Variants in CPQ observed in about 807,000 individuals in gnomAD.
CPQ encodes the protein Ser-Met dipeptidase.
In CPQ, 37 loss-of-function variants were observed where a neutral mutation model predicts 45.7. The observed-to-expected ratio is 0.81, with a 90% CI of 0.62 to 1.07. CPQ has a LOEUF of 1.07. Ranked by LOEUF, CPQ falls within the 50% of genes least tolerant of loss-of-function variation. CPQ has a pLI of 0.00. For synonymous variants in CPQ, 186 were observed against 205.8 expected, an observed-to-expected ratio of 0.90 and a Z score of 0.82; for missense variants, 537 against 572.9, an observed-to-expected ratio of 0.94 and a Z score of 0.64.
intron 6 of CPQ, among the ~76,000 whole-genome samples, chr8:97,040,251 T>A (rs1810094295): frequency 6.6e-6 from 1 of 152,232 alleles, no homozygotes; most frequent in South Asian, 2.1e-4. Context: ...GAGCATTTTT[T>A]CATGTGTCTG....
intron 2 of CPQ, among the ~76,000 whole-genome samples, chr8:96,805,693 C>A (rs762312645): frequency 9.2e-5 from 14 of 152,042 alleles, no homozygotes; most frequent in Non-Finnish European, 1.6e-4. Flanking sequence ...CAATAATAAT[C>A]GCTGAGTCAG....
Position 97,042,464 on chromosome 8 carries a change from GT to G in CPQ, c.1053+12976del, listed in dbSNP as rs556732164. Among the ~76,000 whole-genome samples the G allele has an allele frequency of 3.3e-5, 5 of 151,850 alleles. No individual in the cohort carries two copies. In the South Asian group the frequency reaches 1.0e-3, roughly 32 times the overall value. On this transcript the variant is annotated intron_variant, in intron 6 of 7. Coordinates refer to ENST00000220763, the MANE Select transcript of CPQ (RefSeq NM_016134.4). ...CCTGGATTCATTAATTTTTTGAAGG[GT>G]TTTTTGTGTCTCTATTTCCTTCAGT...
intron 1 of CPQ, among the ~76,000 whole-genome samples, chr8:96,751,311 T>C (rs1810255562): frequency 1.3e-5 from 2 of 152,172 alleles, no homozygotes. Flanking sequence ...GTTTCTTGAC[T>C]TTTCAATGAA....
At chr8:97,002,775 C>G (rs568715050) in intron 5 of CPQ, among the ~76,000 whole-genome samples, 34 of 152,112 alleles carry the variant, frequency 2.2e-4, no homozygotes, top group African/African-American at 7.2e-4. Flanking sequence ...TGATCTAGGT[C>G]CATTTGATCC....
Position 96,814,180 on chromosome 8 carries a change from AT to A in CPQ, c.434-20784del, listed in dbSNP as rs570510500. Among the ~76,000 whole-genome samples the A allele has an allele frequency of 1.7e-3, 253 of 151,384 alleles. 2 individuals carry two copies. The highest frequency in any genetic ancestry group is 4.7e-3 in the African/African-American group (193 of 41,396). ...TACAATTTCAATAAATTAGATTTTA[AT>A]TTTTTTTTAATGAACAGAAAGCCAA... On this transcript the variant is annotated intron_variant, in intron 2 of 7. Transcript: ENST00000220763.
chr8:96,700,055 G>T (rs914753993), intron 1 of CPQ, among the ~76,000 whole-genome samples: 2 of 152,184 alleles, frequency 1.3e-5, no homozygotes, highest in Non-Finnish European at 2.9e-5. Context: ...CAGGAGACTG[G>T]CTTCTCACTC....
chr8:96,783,411 C>G (rs1238757363), intron 1 of CPQ, among the ~76,000 whole-genome samples: 1 of 152,008 alleles, frequency 6.6e-6, no homozygotes, highest in Admixed American at 6.6e-5. Flanking sequence ...CTTGCCACAT[C>G]ATAACATGGC....
At chr8:96,982,960 C>T (rs1813932197) in intron 5 of CPQ, among the ~76,000 whole-genome samples, 1 of 152,076 alleles carries the variant, frequency 6.6e-6, no homozygotes, top group African/African-American at 2.4e-5. Flanking sequence ...ATTGAATATC[C>T]TCCACCTAGA....
chr8:97,101,925 T>G (rs1811314038), intron 7 of CPQ, among the ~76,000 whole-genome samples: 1 of 149,732 alleles, frequency 6.7e-6, no homozygotes, highest in Non-Finnish European at 1.5e-5. Flanking sequence ...TCTCTCTCTC[T>G]CTCTCTCTCT....
At chr8:97,046,032 G>A (rs1433060165) in intron 6 of CPQ, among the ~76,000 whole-genome samples, 1 of 152,194 alleles carries the variant, frequency 6.6e-6, no homozygotes, top group Non-Finnish European at 1.5e-5. Flanking sequence ...AGTGCAAAGT[G>A]AGCACTTTTG....
chr8:97,074,328 G>A (rs1810805998), intron 7 of CPQ, among the ~76,000 whole-genome samples: 1 of 152,186 alleles, frequency 6.6e-6, no homozygotes, highest in Non-Finnish European at 1.5e-5. Context: ...ATTTAAAGAT[G>A]AAAATAAGCT....
In CPQ at chr8:96,879,934, G is replaced by C; in HGVS notation, c.778G>C (p.Ala260Pro). The change falls in exon 4 of 8, where the codon GCA (alanine) becomes CCA (proline). Residue 260 changes from alanine (A) to proline (P), a missense_variant. Ala to Pro is a conservative substitution (Grantham distance 27, BLOSUM62 -1). Transcript: ENST00000220763. ...AATTGTCATTCAGCTAAAGATGGGGGCAAAGACCTACCCAGATACTGATTC... is the reference window on the plus strand; with the variant it reads ...AATTGTCATTCAGCTAAAGATGGGGCCAAAGACCTACCCAGATACTGATTC... ...IKIVIQLKMG[A>P]KTYPDTDSFN... The C allele has an allele frequency of 6.2e-7, 1 of 1,614,076 alleles. No homozygotes were observed. Among genetic ancestry groups the C allele is most frequent in the Non-Finnish European group, 8.5e-7 (1 of 1,179,976 alleles).
intron 5 of CPQ, among the ~76,000 whole-genome samples, chr8:97,024,598 A>G (rs1809766305): frequency 6.6e-6 from 1 of 152,138 alleles, no homozygotes; most frequent in African/African-American, 2.4e-5. Flanking sequence ...CCATGTCCCT[A>G]TTTTATCAGT....
chr8:96,788,567 G>C (rs564038137), intron 2 of CPQ, among the ~76,000 whole-genome samples: 31 of 151,874 alleles, frequency 2.0e-4, no homozygotes, highest in South Asian at 1.9e-3. Flanking sequence ...TTTTTCTTTT[G>C]ATTTTTATTA....
chr8:96,705,943 A>G (rs1040676178), intron 1 of CPQ, among the ~76,000 whole-genome samples: 1 of 152,122 alleles, frequency 6.6e-6, no homozygotes, highest in African/African-American at 2.4e-5. Flanking sequence ...GGATCTAATG[A>G]TAATGTGACC....
intron 1 of CPQ, among the ~76,000 whole-genome samples, chr8:96,688,524 G>T (rs1368384868): frequency 6.6e-6 from 1 of 152,022 alleles, no homozygotes; most frequent in Non-Finnish European, 1.5e-5. Context: ...GGGCGTGTGT[G>T]TATTTTCTGA....
chr8:96,728,950 G>GA (rs199957287), intron 1 of CPQ, among the ~76,000 whole-genome samples: 143 of 151,504 alleles, frequency 9.4e-4, no homozygotes, highest in African/African-American at 3.3e-3. Flanking sequence ...TCATCAAGAG[G>GA]AAAAAAAACA....
In CPQ at chr8:96,835,088, G is replaced by A. The variant is rs201427497; in HGVS notation, c.549G>A (p.Thr183=). The A allele has an allele frequency of 1.3e-5, 21 of 1,607,994 alleles. No homozygotes were observed. Among genetic ancestry groups the A allele is most frequent in the Admixed American group, 5.1e-5 (3 of 59,112 alleles). The stretch of plus-strand genomic sequence containing the variant: ...AACCTTACATCAACTACTCAAGGAC[G>A]GTGCAATACCGAACGCAGGGGGCGG... The part of the protein sequence containing the change: ...YNQPYINYSR[T]VQYRTQGAVE... The change falls in exon 3 of 8, where the codon ACG becomes ACA. Residue 183 remains threonine (T), a synonymous_variant. Coordinates refer to ENST00000220763, the MANE Select transcript of CPQ (RefSeq NM_016134.4).
intron 1 of CPQ, among the ~76,000 whole-genome samples, chr8:96,680,947 C>T (rs920144515): frequency 1.3e-5 from 2 of 151,830 alleles, no homozygotes; most frequent in African/African-American, 4.8e-5. Flanking sequence ...ATCTGTGGAA[C>T]TTTGAACTTG....
Sources: allele counts gnomAD v4.1 joint callset (sites outside exome capture counted in the v4.1 genomes callset), GRCh38; gene constraint gnomAD v4.1.1; transcripts MANE v1.5; gene names NCBI Gene and HGNC (gene_info 2026-07-23, HGNC 2026-07-21).